SGCD: variants seen among roughly 807,000 people sequenced by gnomAD.
The protein encoded by SGCD is delta-sarcoglycan.
SGCD carries 18 observed loss-of-function variants against 36.6 expected under a neutral mutation model. That is an observed-to-expected ratio of 0.49 (90% CI 0.34 to 0.73). SGCD has a LOEUF of 0.73. Ranked by LOEUF, SGCD falls within the 30% of genes least tolerant of loss-of-function variation. The pLI is 0.01. For synonymous variants in SGCD, 133 were observed against 130.6 expected (o/e 1.02, Z -0.12); for missense variants, 387 against 346.7 (o/e 1.12, Z -0.92).
At chr5:156,741,589 G>C (rs1414591022) in intron 7 of SGCD, among the ~76,000 whole-genome samples, 1 of 151,466 alleles carries the variant, frequency 6.6e-6, no homozygotes, top group African/African-American at 2.4e-5. Flanking sequence ...TTTTCTCCTT[G>C]TCATATTCCC....
chr5:156,290,201 G>A (rs1259356860), intron 3 of SGCD, among the ~76,000 whole-genome samples: 1 of 152,024 alleles, frequency 6.6e-6, no homozygotes, highest in East Asian at 1.9e-4. Flanking sequence ...GTATTTTACA[G>A]TTGAGAACAC....
chr5:156,196,213 C>T (rs1764022308), intron 3 of SGCD, among the ~76,000 whole-genome samples: 1 of 152,148 alleles, frequency 6.6e-6, no homozygotes, highest in Non-Finnish European at 1.5e-5. Flanking sequence ...GCTCTTGATC[C>T]ACTTCTCTAT....
intron 3 of SGCD, among the ~76,000 whole-genome samples, chr5:156,280,482 C>A (rs1402663538): frequency 6.6e-6 from 1 of 152,148 alleles, no homozygotes; most frequent in East Asian, 1.9e-4. Context: ...ATCAGAAGAC[C>A]TCCTGATGGC....
At chr5:156,689,021 A>G (rs1052113756) in intron 7 of SGCD, among the ~76,000 whole-genome samples, 1 of 152,240 alleles carries the variant, frequency 6.6e-6, no homozygotes, top group African/African-American at 2.4e-5. Flanking sequence ...TACTACACAC[A>G]GTGTACTATC....
chr5:156,151,982 C>G (rs1762844830), intron 3 of SGCD, among the ~76,000 whole-genome samples: 1 of 150,906 alleles, frequency 6.6e-6, no homozygotes, highest in Non-Finnish European at 1.5e-5. Flanking sequence ...GAGCTAGAGC[C>G]AAAGATGTTT....
chr5:156,503,578 G>C (rs115242242), intron 3 of SGCD, among the ~76,000 whole-genome samples: 1,960 of 152,254 alleles, frequency 0.013, 45 homozygotes, highest in African/African-American at 0.045. Context: ...GTTACCCTTA[G>C]CTATTATCCT....
At position 156,213,522 on chromosome 5, in the gene SGCD, T is replaced by C. The variant is rs575193117; in HGVS notation, c.-44+89503T>C. 1.7e-3 allele frequency among the ~76,000 whole-genome samples: 259 copies of C among 152,170 alleles called. 3 individuals carry two copies. The highest frequency in any genetic ancestry group is 2.2e-3 in the Non-Finnish European group (152 of 67,880). ...CTTATGGAACTGATAGCTTCACTGC[T>C]GAATTCTATCAAACATTTAAAAAAG... On this transcript the variant is annotated intron_variant, in intron 3 of 9. Coordinates refer to the SGCD transcript ENST00000517913.
intron 1 of SGCD, among the ~76,000 whole-genome samples, chr5:155,972,484 T>C (rs543817719): frequency 2.0e-4 from 30 of 152,306 alleles, no homozygotes; most frequent in African/African-American, 6.5e-4. Context: ...AAAATAACCA[T>C]GAATTATTAC....
At chr5:156,278,704 C>T (rs1766378077) in intron 3 of SGCD, among the ~76,000 whole-genome samples, 1 of 152,000 alleles carries the variant, frequency 6.6e-6, no homozygotes, top group African/African-American at 2.4e-5. Context: ...TTAAATTTAC[C>T]TTTTTCATTG....
chr5:155,794,346 A>G, the SGCD span, among the ~76,000 whole-genome samples: 3 of 152,188 alleles, frequency 2.0e-5, no homozygotes, highest in African/African-American at 4.8e-5. Flanking sequence ...AATCCTGTCA[A>G]TAGAATATAA....
chr5:155,925,264 T>C (rs1756973798), intron 1 of SGCD, among the ~76,000 whole-genome samples: 1 of 152,206 alleles, frequency 6.6e-6, no homozygotes, highest in African/African-American at 2.4e-5. Flanking sequence ...TTCATTTCTT[T>C]TGGTTCGGGG....
intron 6 of SGCD, among the ~76,000 whole-genome samples, chr5:156,607,292 T>A (rs1271198954): frequency 6.6e-6 from 1 of 152,258 alleles, no homozygotes; most frequent in African/African-American, 2.4e-5. Flanking sequence ...TTTCTGCATC[T>A]ATTGAGATAG....
At chr5:156,716,672 C>A (rs116685452) in intron 7 of SGCD, among the ~76,000 whole-genome samples, 1 of 152,152 alleles carries the variant, frequency 6.6e-6, no homozygotes, top group Non-Finnish European at 1.5e-5. Flanking sequence ...TGGTGTTTTC[C>A]GGATCTAATG....
the SGCD span, among the ~76,000 whole-genome samples, chr5:155,747,806 C>T: frequency 1.3e-5 from 2 of 152,170 alleles, no homozygotes; most frequent in East Asian, 1.9e-4. Context: ...CCAAATGGCA[C>T]CAGTTGTGCA....
At chr5:156,531,735 A>T (rs1332177580) in intron 4 of SGCD, among the ~76,000 whole-genome samples, 1 of 152,222 alleles carries the variant, frequency 6.6e-6, no homozygotes, top group African/African-American at 2.4e-5. Flanking sequence ...TTATATGCAT[A>T]GCCTTATGCA....
At chr5:156,711,270 C>G (rs1405779524) in intron 7 of SGCD, among the ~76,000 whole-genome samples, 1 of 152,042 alleles carries the variant, frequency 6.6e-6, no homozygotes, top group Non-Finnish European at 1.5e-5. Context: ...ACAGTGTTTT[C>G]CCCATAGAGG....
At chr5:156,405,030 A>G (rs1772335691) in intron 3 of SGCD, among the ~76,000 whole-genome samples, 1 of 152,224 alleles carries the variant, frequency 6.6e-6, no homozygotes, top group Non-Finnish European at 1.5e-5. Context: ...TCTGGGAGTC[A>G]CCAGCCTAAT....
At position 156,284,513 on chromosome 5, in the gene SGCD, T is replaced by TCAACATAC. The variant is rs1228610220; in HGVS notation, c.-43-45020_-43-45013dup. ...TTCATCCCTGGGGTGCAAGGCTGGT[T>TCAACATAC]CAACATACGCAAATCAATAAATATA... On this transcript the variant is annotated intron_variant, in intron 3 of 9. Coordinates refer to the SGCD transcript ENST00000517913. Among the ~76,000 whole-genome samples the TCAACATAC allele has an allele frequency of 1.3e-4, 20 of 152,226 alleles. No homozygotes were observed. In the East Asian group the frequency reaches 3.7e-3, roughly 28 times the overall value.
chr5:156,752,927 T>C (rs1757202421), intron 7 of SGCD, among the ~76,000 whole-genome samples: 2 of 152,142 alleles, frequency 1.3e-5, no homozygotes, highest in Admixed American at 1.3e-4. Context: ...GTTCTGGGAA[T>C]GTCATTTTAC....
Sources: gnomAD v4.1 joint callset for allele counts (sites outside exome capture counted in the v4.1 genomes callset) on GRCh38, gnomAD v4.1.1 for gene constraint, MANE v1.5 for transcripts, NCBI Gene and HGNC (gene_info 2026-07-23, HGNC 2026-07-21) for gene names.